MAGI2: variants seen among roughly 807,000 people sequenced by gnomAD.
MAGI2 encodes membrane associated guanylate kinase, WW and PDZ domain containing 2.
Under a neutral mutation model 133.3 loss-of-function variants are expected in MAGI2, and 35 were observed. The ratio of observed to expected loss-of-function variants is 0.26; its 90% CI spans 0.20 to 0.35. The LOEUF (loss-of-function observed/expected upper bound fraction) is 0.35, where lower values mean the gene tolerates loss of function less well. Ranked by LOEUF, MAGI2 falls within the 10% of genes least tolerant of loss-of-function variation. MAGI2 has a pLI of 1.00. For synonymous variants in MAGI2, 729 were observed against 710.6 expected (o/e 1.03, Z -0.41); for missense variants, 1,636 against 1,863.4 (o/e 0.88, Z 2.25).
chr7:78,955,798 C>T lies in MAGI2; in HGVS notation c.418+51292G>A, dbSNP rs192807079. Among the ~76,000 whole-genome samples the T allele has an allele frequency of 3.4e-3, 454 of 135,084 alleles. 5 individuals carry two copies. The highest frequency in any genetic ancestry group is 0.011 in the African/African-American group (405 of 36,070). The allele number at this position is 135,084 out of a possible 152,430, so 88.6% of individuals were successfully genotyped here. ...CTTTCTTTCTTTCTTTCATTTCTTT[C>T]GTTCATTCTTTCTTTCTTCCTTCCT... On this transcript the variant is annotated intron_variant, in intron 2 of 21. Transcript: ENST00000354212.
At chr7:78,688,245 C>T (rs188017383) in intron 2 of MAGI2, among the ~76,000 whole-genome samples, 1 of 152,094 alleles carries the variant, frequency 6.6e-6, no homozygotes, top group African/African-American at 2.4e-5. Flanking sequence ...TATTTTTTAG[C>T]CTTTCACCAG....
intron 2 of MAGI2, among the ~76,000 whole-genome samples, chr7:78,671,948 G>A (rs1814440332): frequency 6.6e-6 from 1 of 152,116 alleles, no homozygotes. Context: ...CAGCTTCTCT[G>A]CTTCCAAAAA....
At chr7:78,764,727 C>T (rs1824839440) in intron 2 of MAGI2, among the ~76,000 whole-genome samples, 1 of 152,104 alleles carries the variant, frequency 6.6e-6, no homozygotes, top group South Asian at 2.1e-4. Context: ...GAGTAGTTGC[C>T]AATTGTTTTT....
chr7:78,310,680 A>T (rs1202908889), intron 9 of MAGI2, among the ~76,000 whole-genome samples: 4 of 152,196 alleles, frequency 2.6e-5, no homozygotes, highest in Non-Finnish European at 4.4e-5. Context: ...AAAAGTTACC[A>T]TGAAGAGAGG....
intron 1 of MAGI2, among the ~76,000 whole-genome samples, chr7:79,024,881 G>A (rs575595497): frequency 1.3e-5 from 2 of 152,074 alleles, no homozygotes; most frequent in Admixed American, 6.6e-5. Context: ...GTGGAGAAAA[G>A]GGAACACTTA....
At chr7:78,955,725 C>CTT (rs1387883666) in intron 2 of MAGI2, among the ~76,000 whole-genome samples, 2 of 23,174 alleles carry the variant, frequency 8.6e-5, no homozygotes, top group Non-Finnish European at 2.1e-4. Flanking sequence ...CTTTCTTTCT[C>CTT]TTTCTTTCTT....
chr7:78,170,534 T>G (rs969683949), intron 14 of MAGI2: 2 of 152,128 alleles, frequency 1.3e-5, no homozygotes, highest in African/African-American at 4.8e-5. Context: ...TAAACAAAAA[T>G]CACTACCCTA....
chr7:78,967,098 G>A (rs771536551), intron 2 of MAGI2, among the ~76,000 whole-genome samples: 10 of 151,186 alleles, frequency 6.6e-5, no homozygotes, highest in Non-Finnish European at 1.2e-4. Flanking sequence ...GCATCTTGCT[G>A]GTCTAACTTT....
rs117593663 is a variant in MAGI2 at position 78,919,016 on chromosome 7, G to T, written c.418+88074C>A. ...TATATTAGATTCTGATGCAATAGTT[G>T]TCCCTCTTTTAAGAAACTTTGTTTG... On this transcript the variant is annotated intron_variant, in intron 2 of 21. Transcript: ENST00000354212. Among the ~76,000 whole-genome samples the T allele has an allele frequency of 2.0e-5, 3 of 152,188 alleles. No individual in the cohort carries two copies. In the East Asian group the frequency reaches 5.8e-4, roughly 29 times the overall value.
intron 2 of MAGI2, among the ~76,000 whole-genome samples, chr7:78,824,795 C>G (rs1790475226): frequency 1.3e-5 from 2 of 152,032 alleles, no homozygotes; most frequent in East Asian, 1.9e-4. Context: ...CTATTTACAA[C>G]AACAAAGACT....
intron 3 of MAGI2, among the ~76,000 whole-genome samples, chr7:78,588,412 G>A (rs1339551385): frequency 2.0e-5 from 3 of 152,184 alleles, no homozygotes; most frequent in Non-Finnish European, 4.4e-5. Flanking sequence ...GTTATTACAA[G>A]CCAGTGTGTG....
At chr7:79,392,014 C>T (rs1406103556) in intron 1 of MAGI2, among the ~76,000 whole-genome samples, 1 of 152,068 alleles carries the variant, frequency 6.6e-6, no homozygotes, top group African/African-American at 2.4e-5. Flanking sequence ...CCTTGACTCA[C>T]CACCCTCCGA....
At chr7:79,252,869 T>C (rs562894089) in intron 1 of MAGI2, among the ~76,000 whole-genome samples, 12 of 152,170 alleles carry the variant, frequency 7.9e-5, no homozygotes, top group Admixed American at 2.0e-4. Flanking sequence ...ATAAAAAATA[T>C]AGTTACAAGC....
rs141446624 is a variant in MAGI2, at chr7:78,318,199, C to T, written c.1408+25579G>A. ...CCAAGCTAAAGGAGCATGTTCTAAC[C>T]CAATGCCAGGAAGCTAAGAACCTTG... On this transcript the variant is annotated intron_variant, in intron 9 of 21. Transcript: ENST00000354212. Among the ~76,000 whole-genome samples the T allele has an allele frequency of 1.4e-3, 212 of 152,138 alleles. 2 individuals carry two copies. The highest frequency in any genetic ancestry group is 9.8e-3 in the Admixed American group (149 of 15,270).
chr7:78,300,520 C>T (rs931128353), intron 9 of MAGI2, among the ~76,000 whole-genome samples: 2 of 152,188 alleles, frequency 1.3e-5, no homozygotes, highest in Middle Eastern at 3.2e-3. Context: ...TAGTGGACAT[C>T]CTTAACAGCC....
chr7:78,532,398 G>A (rs1797543765), intron 3 of MAGI2, among the ~76,000 whole-genome samples: 3 of 152,200 alleles, frequency 2.0e-5, no homozygotes, highest in Admixed American at 2.0e-4. Flanking sequence ...TCTTTGCACA[G>A]TCCCTTCTGG....
chr7:78,410,772 A>G (rs1221868498), intron 6 of MAGI2, among the ~76,000 whole-genome samples: 1 of 152,032 alleles, frequency 6.6e-6, no homozygotes, highest in African/African-American at 2.4e-5. Context: ...ATTATGGCAG[A>G]TTCTGTGGGA....
At chr7:78,415,064 A>C (rs1392396481) in intron 6 of MAGI2, among the ~76,000 whole-genome samples, 1 of 152,138 alleles carries the variant, frequency 6.6e-6, no homozygotes, top group East Asian at 1.9e-4. Context: ...ACTACCTATC[A>C]GTCTTTCAAA....
rs550042665 is a variant in MAGI2, at chr7:78,823,596, A to G, written c.418+183494T>C. Among the ~76,000 whole-genome samples the G allele has an allele frequency of 1.6e-3, 249 of 151,734 alleles. 3 individuals carry two copies. Among genetic ancestry groups the G allele is most frequent in the African/African-American group, 5.8e-3 (242 of 41,404 alleles). On this transcript the variant is annotated intron_variant, in intron 2 of 21. Transcript: ENST00000354212. ...ACTCCGTCTCAAAAAAAAAAAAAAA[A>G]AAAAAAGAAATACGACACTGTCTAT... is the stretch of plus-strand genomic sequence containing the variant.
Sources: allele counts gnomAD v4.1 joint callset (sites outside exome capture counted in the v4.1 genomes callset), GRCh38; gene constraint gnomAD v4.1.1; transcripts MANE v1.5; gene names NCBI Gene and HGNC (gene_info 2026-07-23, HGNC 2026-07-21).